Variants in RPAP1 observed in about 807,000 individuals in gnomAD.
RPAP1 encodes RNA polymerase II associated protein 1.
Under a neutral mutation model 142.4 loss-of-function variants are expected in RPAP1, and 109 were observed. The observed-to-expected ratio is 0.77, with a 90% confidence interval of 0.66 to 0.90. RPAP1 has a LOEUF of 0.90. Ranked by LOEUF, RPAP1 falls within the 40% of genes least tolerant of loss-of-function variation. RPAP1 has a pLI of 0.00. For synonymous variants in RPAP1, 704 were observed against 738.9 expected (o/e 0.95, Z 0.77); for missense variants, 1,546 against 1,751.7 (o/e 0.88, Z 2.10).
rs149139271 is a variant in RPAP1 at position 41,526,992 on chromosome 15, C to T, written c.1823G>A (p.Gly608Glu). 1.7e-5 allele frequency: 27 copies of T among 1,614,044 alleles called. No homozygotes were observed. The highest frequency in any genetic ancestry group is 2.3e-5 in the Non-Finnish European group (27 of 1,180,044). Residue 608 changes from glycine to glutamate, a missense_variant, in exon 14 of 25, where the codon GGG (glycine) becomes GAG (glutamate). Transcript: ENST00000304330. The stretch of plus-strand genomic sequence containing the variant: ...TACTTTGTATAGACTAGGGGTAGGC[C>T]CTGCCCCCACAGGAGACCAACTGGT... ...LPTSWSPVGAGPTPSLYKVPC... is the reference protein window; with the variant it reads ...LPTSWSPVGAEPTPSLYKVPC...
intron 14 of RPAP1, among the ~76,000 whole-genome samples, chr15:41,525,654 TTTA>T (rs990833768): frequency 6.8e-6 from 1 of 147,712 alleles, no homozygotes; most frequent in African/African-American, 2.5e-5. Context: ...TTTTTTTATT[TTTA>T]TTATTATTAT....
intron 23 of RPAP1, 66 bp downstream of exon 23, chr15:41,517,940 A>G (rs1056819296): frequency 6.2e-7 from 1 of 1,613,002 alleles, no homozygotes; most frequent in African/African-American, 1.3e-5. Context: ...CCTCTTCCCC[A>G]GCTGGCCCAG....
At chr15:41,530,932 G>C (rs1048185553) in intron 7 of RPAP1, 91 bp downstream of exon 7, 1 of 1,276,784 alleles carries the variant, frequency 7.8e-7, no homozygotes, top group Non-Finnish European at 1.1e-6. Context: ...AAGCACAGAA[G>C]CTTCTCTCTT....
At position 41,518,061 on chromosome 15, in the gene RPAP1, G is replaced by A. The variant is rs770535011; in HGVS notation, c.3917C>T (p.Ala1306Val). Reference sequence around the variant, plus strand: ...GCTATTGACATGAGCCACAGCCACAGCATAGAGCACGGGGCACCAACGTGG... The same window carrying A: ...GCTATTGACATGAGCCACAGCCACAACATAGAGCACGGGGCACCAACGTGG... The part of the protein sequence containing the change: ...LRPRWCPVLY[A>V]VAVAHVNSFI... Residue 1306 changes from alanine (A) to valine (V), a missense_variant, in exon 23 of 25, where the codon GCT (alanine) becomes GTT (valine). Around this residue, in one of 3 missense-constraint regions of RPAP1, gnomAD observed 210 missense variants for 248.0 expected, o/e 0.85. Transcript: ENST00000304330. 1 of 1,613,668 alleles carries A rather than the reference G, an allele frequency of 6.2e-7. No individual in the cohort carries two copies. Among genetic ancestry groups the A allele is most frequent in the Non-Finnish European group, 8.5e-7 (1 of 1,179,906 alleles).
rs1016735369 is a variant in RPAP1 at position 41,523,857 on chromosome 15, T to C, written c.2350A>G (p.Arg784Gly). Residue 784 changes from arginine (R) to glycine (G), a missense_variant, in exon 17 of 25, where the codon AGA becomes GGA. Physicochemically the swap from Arg to Gly is moderately radical, Grantham distance 125. Transcript: ENST00000304330. The stretch of plus-strand genomic sequence containing the variant: ...CCCACGGCTCTCCACATCTCAGGTC[T>C]GGACAGCAACTTCAAGGTCTGCCTT... ...CLRQTLKLLS[R>G]PEMWRAVGPV... is the part of the protein sequence containing the mutation. 5.6e-6 allele frequency: 9 copies of C among 1,609,062 alleles called. No individual in the cohort carries two copies. Among genetic ancestry groups the C allele is most frequent in the Non-Finnish European group, 6.8e-6 (8 of 1,177,678 alleles).
intron 16 of RPAP1, 47 bp downstream of exon 16, chr15:41,524,048 CT>C (rs2051762239): frequency 6.2e-7 from 1 of 1,601,726 alleles, no homozygotes; most frequent in African/African-American, 1.3e-5. Flanking sequence ...CACCCCAGCC[CT>C]GTGGAGGAGC....
Position 41,535,370 on chromosome 15 carries a change from C to A in RPAP1, c.541+142G>T, listed in dbSNP as rs564002936. ...CTGAGACCCAGATATGGACCCAAGC[C>A]TCCCATACCTAGTATTCTCAGACTA... is the stretch of plus-strand genomic sequence containing the variant. On this transcript the variant is annotated intron_variant, in intron 5 of 24. Coordinates refer to ENST00000304330, the MANE Select transcript of RPAP1 (RefSeq NM_015540.4). 52 of 1,217,048 alleles carry A rather than the reference C, an allele frequency of 4.3e-5. No individual in the cohort carries two copies. In the South Asian group the frequency reaches 7.4e-4, roughly 17 times the overall value. 75.4% of individuals were successfully genotyped at this position (1,217,048 alleles called of 1,614,324 possible).
chr15:41,517,763 CTAA>C, intron 24 of RPAP1, 32 bp downstream of exon 24: 1 of 1,614,170 alleles, frequency 6.2e-7, no homozygotes, highest in Non-Finnish European at 8.5e-7. Flanking sequence ...CCAAGATCCT[CTAA>C]TATCCCACCC....
rs372425655 is a variant in RPAP1 at position 41,518,040 on chromosome 15, T to C, written c.3938A>G (p.Asn1313Ser). 1.2e-5 allele frequency: 19 copies of C among 1,613,926 alleles called. No homozygotes were observed. Among genetic ancestry groups the C allele is most frequent in the Non-Finnish European group, 1.4e-5 (17 of 1,179,990 alleles). ...VLYAVAVAHV[N>S]SFIFSQDPQS... is the part of the protein sequence containing the mutation. ...TGGGTCCTGAGAGAAGATGAAGCTA[T>C]TGACATGAGCCACAGCCACAGCATA... The change falls in exon 23 of 25, where the codon AAT (asparagine) becomes AGT (serine). Residue 1313 changes from asparagine (N) to serine (S), a missense_variant. Physicochemically the swap from Asn to Ser is conservative, Grantham distance 46 (BLOSUM62 1). Around this residue, in one of 3 missense-constraint regions of RPAP1, gnomAD observed 210 missense variants for 248.0 expected, o/e 0.85. Transcript: ENST00000304330.
intron 15 of RPAP1, among the ~76,000 whole-genome samples, chr15:41,524,767 C>A (rs2051771870): frequency 6.6e-6 from 1 of 152,198 alleles, no homozygotes; most frequent in Admixed American, 6.5e-5. Flanking sequence ...AGCCACAGTG[C>A]CCGGCTAATG....
chr15:41,535,456 C>T (rs1216212614), intron 5 of RPAP1, 56 bp downstream of exon 5: 1 of 1,544,542 alleles, frequency 6.5e-7, no homozygotes, highest in East Asian at 2.3e-5. Context: ...CAAAAATGAC[C>T]CTATGATTGT....
At chr15:41,531,738 T>C (rs2051854564) in intron 6 of RPAP1, among the ~76,000 whole-genome samples, 1 of 149,298 alleles carries the variant, frequency 6.7e-6, no homozygotes, top group Admixed American at 6.7e-5. Context: ...TCTCCCAGGT[T>C]CAAGGGATTC....
rs542600446 is a variant in RPAP1, at chr15:41,524,095, C to T, written c.2234+1G>A. On this transcript the variant is annotated splice_donor_variant, in intron 16 of 24. Transcript: ENST00000304330. LOFTEE classifies it high-confidence loss of function. ...TCCTGTGGGTCCTGGCTATAAACTACCTGATGGTTTCAGCAGGGGTACTGC... is the reference window on the plus strand; with the variant it reads ...TCCTGTGGGTCCTGGCTATAAACTATCTGATGGTTTCAGCAGGGGTACTGC... 4 of 1,590,120 alleles carry T rather than the reference C, an allele frequency of 2.5e-6. No individual in the cohort carries two copies. Among genetic ancestry groups the T allele is most frequent in the African/African-American group, 1.3e-5 (1 of 74,636 alleles).
chr15:41,539,328 CTT>C (rs2140791147), intron 1 of RPAP1, among the ~76,000 whole-genome samples: 1 of 150,760 alleles, frequency 6.6e-6, no homozygotes, highest in Admixed American at 6.6e-5. Flanking sequence ...GAGTTTTGCT[CTT>C]GTTGCCCAGG....
At chr15:41,522,412 T>TG in intron 19 of RPAP1, 162 bp from the exon 20 acceptor site, 1 of 698,484 alleles carries the variant, frequency 1.4e-6, no homozygotes, top group South Asian at 1.9e-5. Flanking sequence ...TTTTTTGAGA[T>TG]GGAGTTTCGC....
chr15:41,542,819 A>G (rs535374926), intron 1 of RPAP1, among the ~76,000 whole-genome samples: 1 of 152,286 alleles, frequency 6.6e-6, no homozygotes, highest in South Asian at 2.1e-4. Context: ...GATTCTTATT[A>G]TTTATATAGC....
intron 5 of RPAP1, 120 bp downstream of exon 5, chr15:41,535,392 A>T: frequency 1.5e-6 from 2 of 1,377,090 alleles, no homozygotes; most frequent in Non-Finnish European, 9.8e-7. Flanking sequence ...GTATTCTCAG[A>T]CTACTTGAGA....
In RPAP1 at chr15:41,529,880, C is replaced by T. The variant is rs555521680; in HGVS notation, c.1043G>A (p.Arg348Gln). 2.9e-5 allele frequency: 47 copies of T among 1,608,966 alleles called. No homozygotes were observed. The highest frequency in any genetic ancestry group is 3.3e-4 in the Middle Eastern group (2 of 6,030). Residue 348 changes from arginine (R) to glutamine (Q), a missense_variant, in exon 8 of 25, where the codon CGG becomes CAG. Transcript: ENST00000304330. ...HWTQDLPPVR[R>Q]QQTQERMQAR... Reference sequence around the variant, plus strand: ...CCTCCTCACCTCCTGTGTCTGCTGCCGCCGGACAGGGGGCAAGTCCTGGGT... The same window carrying T: ...CCTCCTCACCTCCTGTGTCTGCTGCTGCCGGACAGGGGGCAAGTCCTGGGT...
At position 41,536,302 on chromosome 15, in the gene RPAP1, C is replaced by T. The variant is rs189688699; in HGVS notation, c.331-84G>A. 666 of 1,392,306 alleles carry T rather than the reference C, an allele frequency of 4.8e-4. 1 individual carries two copies. In the Admixed American group the frequency reaches 0.011, roughly 23 times the overall value. 86.2% of individuals were successfully genotyped at this position (1,392,306 alleles called of 1,614,324 possible). A position where few individuals can be genotyped will look rare whatever the true frequency, so the allele number is the denominator to read the frequency against. On this transcript the variant is annotated intron_variant, in intron 3 of 24. Coordinates refer to ENST00000304330, the MANE Select transcript of RPAP1 (RefSeq NM_015540.4). ...CCGATCCTATTAGCCCAGTTCTGAACGATGAGAACCTCACTCTGGGGGGTT... is the reference window on the plus strand; with the variant it reads ...CCGATCCTATTAGCCCAGTTCTGAATGATGAGAACCTCACTCTGGGGGGTT...
Sources: allele counts gnomAD v4.1 joint callset (sites outside exome capture counted in the v4.1 genomes callset), GRCh38; gene constraint gnomAD v4.1.1; regional missense constraint gnomAD v4.1.1; transcripts MANE v1.5; gene names NCBI Gene and HGNC (gene_info 2026-07-23, HGNC 2026-07-21).